Variants in EPC2 observed in about 807,000 individuals in gnomAD.
EPC2 encodes the protein enhancer of polycomb 2.
In EPC2, 14 loss-of-function variants were observed where a neutral mutation model predicts 92.1. The observed-to-expected ratio is 0.15, with a 90% CI of 0.10 to 0.24. The LOEUF (loss-of-function observed/expected upper bound fraction) is 0.24, where lower values mean the gene tolerates loss of function less well. Among genes scored for constraint, EPC2 ranks in the 10% least tolerant of loss-of-function variants. EPC2 has a pLI of 1.00. For synonymous variants in EPC2, 340 were observed against 334.7 expected (o/e 1.02, Z -0.17); for missense variants, 755 against 971.5 (o/e 0.78, Z 2.96).
At chr2:148,752,412 A>C (rs1683097336) in intron 3 of EPC2, among the ~76,000 whole-genome samples, 1 of 152,268 alleles carries the variant, frequency 6.6e-6, no homozygotes, top group Non-Finnish European at 1.5e-5. Context: ...TGACATCACC[A>C]TTCCGGAGAA....
At chr2:148,660,823 A>G in intron 1 of EPC2, among the ~76,000 whole-genome samples, 1 of 150,824 alleles carries the variant, frequency 6.6e-6, no homozygotes, top group East Asian at 1.9e-4. Context: ...TTTTTTTTTT[A>G]GCTCATTTGG....
At chr2:148,709,514 C>G (rs1376270707) in intron 2 of EPC2, among the ~76,000 whole-genome samples, 1 of 151,904 alleles carries the variant, frequency 6.6e-6, no homozygotes, top group Non-Finnish European at 1.5e-5. Context: ...CATATGGAAC[C>G]AAAAAAAGAG....
At chr2:148,776,860 T>TTTTTTTTTTC (rs1683656416) in intron 10 of EPC2, among the ~76,000 whole-genome samples, 1 of 24,650 alleles carries the variant, frequency 4.1e-5, no homozygotes, top group Admixed American at 3.4e-4. Context: ...CTCTCTCTTT[T>TTTTTTTTTTC]TTTTTTTTTT....
At chr2:148,698,623 G>A (rs1295056092) in intron 2 of EPC2, among the ~76,000 whole-genome samples, 4 of 90,888 alleles carry the variant, frequency 4.4e-5, no homozygotes, top group Non-Finnish European at 7.6e-5. Context: ...GTGACAGCGA[G>A]ACTCCATCTC....
chr2:148,707,207 G>A (rs565550289), intron 2 of EPC2, among the ~76,000 whole-genome samples: 11 of 152,240 alleles, frequency 7.2e-5, no homozygotes, highest in South Asian at 4.1e-4. Flanking sequence ...CCTAGTCTCC[G>A]ATAAAACAGA....
intron 3 of EPC2, among the ~76,000 whole-genome samples, chr2:148,747,116 C>T (rs1304346223): frequency 6.6e-6 from 1 of 151,942 alleles, no homozygotes; most frequent in African/African-American, 2.4e-5. Context: ...TAACCCTTAT[C>T]TCATTCCTAA....
chr2:148,694,188 G>A (rs754666727), intron 2 of EPC2, among the ~76,000 whole-genome samples: 1 of 152,180 alleles, frequency 6.6e-6, no homozygotes, highest in Non-Finnish European at 1.5e-5. Context: ...AGTGCATACA[G>A]TGAAATTGAG....
chr2:148,712,244 GGTGTGT>G (rs760099746), intron 2 of EPC2, among the ~76,000 whole-genome samples: 4 of 149,442 alleles, frequency 2.7e-5, no homozygotes, highest in Non-Finnish European at 3.0e-5. Context: ...TGTGTGTGGG[GGTGTGT>G]GTGTGTGTGT....
chr2:148,645,280 C>G, intron 1 of EPC2, 110 bp downstream of exon 1: 2 of 986,008 alleles, frequency 2.0e-6, no homozygotes, highest in South Asian at 1.7e-5. Flanking sequence ...GCGCCGCTGC[C>G]GCTCTAACGC....
intron 7 of EPC2, among the ~76,000 whole-genome samples, chr2:148,767,059 G>A (rs1457623251): frequency 2.6e-5 from 4 of 152,180 alleles, no homozygotes; most frequent in Middle Eastern, 6.8e-3. Context: ...TTAGCCAGGC[G>A]TGGTGACACA....
At chr2:148,786,189 T>C (rs763470625) in intron 13 of EPC2, 116 bp from the exon 14 acceptor site, 198 of 834,136 alleles carry the variant, frequency 2.4e-4, no homozygotes, top group Non-Finnish European at 3.2e-4. Flanking sequence ...GGAATTGTTC[T>C]TGTGAAGTCA....
At chr2:148,727,986 T>C (rs1682530723) in intron 2 of EPC2, among the ~76,000 whole-genome samples, 1 of 152,172 alleles carries the variant, frequency 6.6e-6, no homozygotes, top group Admixed American at 6.5e-5. Context: ...GAATTTGTAT[T>C]CTTTTCTTTT....
intron 1 of EPC2, among the ~76,000 whole-genome samples, chr2:148,681,100 G>A (rs1681383934): frequency 6.6e-6 from 1 of 152,146 alleles, no homozygotes; most frequent in South Asian, 2.1e-4. Context: ...CCAGGCACTG[G>A]GGACAAAGTG....
chr2:148,646,494 C>T (rs1031869342), intron 1 of EPC2, among the ~76,000 whole-genome samples: 3 of 151,810 alleles, frequency 2.0e-5, no homozygotes, highest in African/African-American at 7.3e-5. Flanking sequence ...CACGCACATA[C>T]ACATATATAT....
intron 2 of EPC2, among the ~76,000 whole-genome samples, chr2:148,711,003 G>A (rs1483874817): frequency 6.6e-6 from 1 of 152,040 alleles, no homozygotes; most frequent in Admixed American, 6.6e-5. Context: ...TTTTAGCCTG[G>A]GTAGAGGCTT....
chr2:148,767,088 C>T (rs2105427701), intron 7 of EPC2, among the ~76,000 whole-genome samples: 1 of 152,030 alleles, frequency 6.6e-6, no homozygotes, highest in East Asian at 1.9e-4. Context: ...GTCCCAGCTA[C>T]TCCGGAGGCT....
chr2:148,687,289 C>T (rs1430078397), intron 1 of EPC2, among the ~76,000 whole-genome samples: 3 of 152,226 alleles, frequency 2.0e-5, no homozygotes, highest in African/African-American at 7.2e-5. Context: ...TAGGCTTTGG[C>T]TTACGGGAAT....
chr2:148,753,918 T>C lies in EPC2; in HGVS notation c.460-9T>C. 1 of 1,599,894 alleles carries C rather than the reference T, an allele frequency of 6.3e-7. No homozygotes were observed. Among genetic ancestry groups the C allele is most frequent in the Non-Finnish European group, 8.5e-7 (1 of 1,173,190 alleles). The stretch of plus-strand genomic sequence containing the variant: ...TTGTAGCCAATGACATTTTGTATTT[T>C]TCATTTAGCTTGTAACACTTCAAGA... On this transcript the variant is annotated splice_polypyrimidine_tract_variant and intron_variant, in intron 3 of 13. Coordinates refer to ENST00000258484, the MANE Select transcript of EPC2 (RefSeq NM_015630.4).
intron 3 of EPC2, among the ~76,000 whole-genome samples, chr2:148,744,224 T>TTA (rs1682938210): frequency 1.3e-5 from 2 of 152,138 alleles, no homozygotes; most frequent in African/African-American, 4.8e-5. Context: ...GTGAGGTATT[T>TTA]TATATATGGC....
Sources: gnomAD v4.1 joint callset for allele counts (sites outside exome capture counted in the v4.1 genomes callset) on GRCh38, gnomAD v4.1.1 for gene constraint, MANE v1.5 for transcripts, NCBI Gene and HGNC (gene_info 2026-07-23, HGNC 2026-07-21) for gene names.